Variants in CDH13 observed in about 807,000 individuals in gnomAD.
The protein encoded by CDH13 is cadherin-13.
In CDH13, 24 loss-of-function variants were observed where a neutral mutation model predicts 63.8. That is an observed-to-expected ratio of 0.38 (90% CI 0.27 to 0.53). The LOEUF is 0.53. Ranked by LOEUF, CDH13 falls within the 20% of genes least tolerant of loss-of-function variation. CDH13 has a pLI of 0.85. For synonymous variants in CDH13, 503 were observed against 355.3 expected (o/e 1.42, Z -4.67); for missense variants, 1,049 against 903.1 (o/e 1.16, Z -2.07).
At chr16:83,315,568 A>G (rs1202039874) in intron 5 of CDH13, among the ~76,000 whole-genome samples, 1 of 151,294 alleles carries the variant, frequency 6.6e-6, no homozygotes, top group Admixed American at 6.6e-5. Flanking sequence ...TTCATCACCA[A>G]TTTGTGCTTT....
At chr16:83,083,274 G>C (rs1300335597) in intron 3 of CDH13, among the ~76,000 whole-genome samples, 1 of 152,174 alleles carries the variant, frequency 6.6e-6, no homozygotes, top group East Asian at 1.9e-4. Context: ...TGTAGTCACT[G>C]TGTGTCCACC....
chr16:83,744,883 C>T (rs1912421398), intron 10 of CDH13, among the ~76,000 whole-genome samples: 1 of 152,208 alleles, frequency 6.6e-6, no homozygotes, highest in Non-Finnish European at 1.5e-5. Flanking sequence ...GACTCTAACA[C>T]TCATGTGATG....
In CDH13 at chr16:83,344,864, A is replaced by T; in HGVS notation, c.639A>T (p.Leu213=). The T allele has an allele frequency of 6.2e-7, 1 of 1,613,778 alleles. No individual in the cohort carries two copies. The highest frequency in any genetic ancestry group is 8.5e-7 in the Non-Finnish European group (1 of 1,179,680). Residue 213 remains leucine (L), a splice_region_variant and synonymous_variant, in exon 6 of 14, where the codon CTA becomes CTT. Transcript: ENST00000567109. ...LDREVIAVYQ[L]FVETTDVNGK... is the part of the protein sequence containing the mutation. ...CCCCAATCTCTTTGCTCAAATAGCT[A>T]TTTGTGGAGACCACTGATGTCAATG... is the stretch of plus-strand genomic sequence containing the variant.
At chr16:83,508,055 A>AGGAAGGAAGGAAG (rs1343350266) in intron 7 of CDH13, among the ~76,000 whole-genome samples, 44 of 58,294 alleles carry the variant, frequency 7.5e-4, no homozygotes, top group African/African-American at 3.2e-3. Context: ...GAGAAAGAGA[A>AGGAAGGAAGGAAG]GAAGGAAGGA....
At chr16:83,554,379 T>A (rs1331886041) in intron 7 of CDH13, among the ~76,000 whole-genome samples, 16 of 151,886 alleles carry the variant, frequency 1.1e-4, no homozygotes, top group Non-Finnish European at 1.3e-4. Flanking sequence ...AAAGGAGGCA[T>A]AGAAAGGAGC....
chr16:82,696,545 C>G (rs1213438139), intron 1 of CDH13, among the ~76,000 whole-genome samples: 3 of 152,174 alleles, frequency 2.0e-5, no homozygotes, highest in Admixed American at 6.5e-5. Flanking sequence ...AAAAAAAAGT[C>G]ATTGATTCAG....
At chr16:83,769,950 A>T (rs1011930741) in intron 11 of CDH13, among the ~76,000 whole-genome samples, 2 of 152,226 alleles carry the variant, frequency 1.3e-5, no homozygotes, top group Non-Finnish European at 2.9e-5. Context: ...TGGTTACGGT[A>T]CATGACCTAC....
At chr16:83,650,440 T>C (rs528348180) in intron 8 of CDH13, among the ~76,000 whole-genome samples, 59 of 152,344 alleles carry the variant, frequency 3.9e-4, no homozygotes, top group African/African-American at 1.3e-3. Flanking sequence ...AAATAAGTGA[T>C]AACTCTTGTC....
intron 8 of CDH13, among the ~76,000 whole-genome samples, chr16:83,626,882 C>T (rs1319860048): frequency 6.6e-6 from 1 of 152,174 alleles, no homozygotes; most frequent in Non-Finnish European, 1.5e-5. Flanking sequence ...GCCGCTGCGC[C>T]TGTGCTGTCT....
At chr16:83,167,361 C>G (rs1056141039) in intron 4 of CDH13, among the ~76,000 whole-genome samples, 14 of 151,744 alleles carry the variant, frequency 9.2e-5, no homozygotes, top group African/African-American at 2.9e-4. Flanking sequence ...GCTGGGCATG[C>G]TGGTGCATAC....
intron 8 of CDH13, among the ~76,000 whole-genome samples, chr16:83,653,648 AG>A (rs1179896444): frequency 1.3e-5 from 2 of 152,220 alleles, no homozygotes; most frequent in Non-Finnish European, 2.9e-5. Flanking sequence ...AGAACCCAGG[AG>A]GTAAATGAAG....
intron 5 of CDH13, among the ~76,000 whole-genome samples, chr16:83,342,931 C>T (rs1022672676): frequency 1.6e-5 from 2 of 123,714 alleles, no homozygotes; most frequent in Admixed American, 1.0e-4. Context: ...TATGTTATTA[C>T]ATAAAATTGC....
intron 10 of CDH13, chr16:83,710,285 A>C (rs1401611344): frequency 6.6e-6 from 1 of 152,286 alleles, no homozygotes; most frequent in Non-Finnish European, 1.5e-5. Flanking sequence ...CAACTTGGCC[A>C]AATGACCTCT....
At chr16:83,073,321 C>CTGTGTGTGTG (rs567463667) in intron 3 of CDH13, among the ~76,000 whole-genome samples, 2 of 139,688 alleles carry the variant, frequency 1.4e-5, no homozygotes, top group Admixed American at 1.4e-4. Flanking sequence ...GGGTGTGTGT[C>CTGTGTGTGTG]TGTGTGTGTG....
chr16:82,973,870 C>T (rs1397533449), intron 2 of CDH13, among the ~76,000 whole-genome samples: 2 of 152,152 alleles, frequency 1.3e-5, no homozygotes, highest in African/African-American at 4.8e-5. Context: ...GTAAATGATC[C>T]TGTGTCACAT....
chr16:83,085,297 C>T (rs1250896748), intron 3 of CDH13, among the ~76,000 whole-genome samples: 1 of 152,100 alleles, frequency 6.6e-6, no homozygotes, highest in East Asian at 1.9e-4. Context: ...ATGAGAATAG[C>T]ACAGGAAAGA....
chr16:83,075,867 CTGCACATATTCATGGG>C (rs1351498524), intron 3 of CDH13, among the ~76,000 whole-genome samples: 3 of 152,138 alleles, frequency 2.0e-5, no homozygotes, highest in Admixed American at 6.5e-5. Context: ...CTCTTTGATA[CTGCACATATTCATGGG>C]CAGAATTGCT....
At chr16:83,705,397 C>T (rs1210770436) in intron 10 of CDH13, among the ~76,000 whole-genome samples, 6 of 151,986 alleles carry the variant, frequency 3.9e-5, no homozygotes, top group Admixed American at 2.0e-4. Context: ...CTGAGGCGGG[C>T]AGATCACGAG....
At chr16:83,293,627 A>T (rs1380748075) in intron 5 of CDH13, among the ~76,000 whole-genome samples, 1 of 152,208 alleles carries the variant, frequency 6.6e-6, no homozygotes, top group Non-Finnish European at 1.5e-5. Context: ...TATATACATA[A>T]ACCAGAATGA....
Sources: gnomAD v4.1 joint callset for allele counts (sites outside exome capture counted in the v4.1 genomes callset) on GRCh38, gnomAD v4.1.1 for gene constraint, MANE v1.5 for transcripts, NCBI Gene and HGNC (gene_info 2026-07-23, HGNC 2026-07-21) for gene names.